The following PTPRN2 variants were observed in gnomAD, a reference collection of about 807,000 sequenced individuals.
The protein encoded by PTPRN2 is protein tyrosine phosphatase receptor type N2, also known as receptor-type tyrosine-protein phosphatase N2.
A neutral mutation model predicts 118.8 loss-of-function variants in PTPRN2; 74 were observed. That is an observed-to-expected ratio of 0.62 (90% CI 0.52 to 0.76). The LOEUF (loss-of-function observed/expected upper bound fraction) is 0.76. PTPRN2 is among the 30% of genes least tolerant of loss of function. The pLI, the probability that PTPRN2 is intolerant of heterozygous loss-of-function variation, is 0.00. For synonymous variants in PTPRN2, 641 were observed against 608.0 expected (o/e 1.05, Z -0.80); for missense variants, 1,481 against 1,394.4 (o/e 1.06, Z -0.99).
chr7:158,049,280 G>A (rs1181544789), intron 11 of PTPRN2, among the ~76,000 whole-genome samples: 2 of 151,782 alleles, frequency 1.3e-5, no homozygotes, highest in African/African-American at 4.8e-5. Context: ...CTTTCAGTTG[G>A]GCATCTCCCA....
At chr7:157,920,354 T>C (rs1798629350) in intron 11 of PTPRN2, among the ~76,000 whole-genome samples, 1 of 152,160 alleles carries the variant, frequency 6.6e-6, no homozygotes, top group Admixed American at 6.5e-5. Flanking sequence ...GAATAAAAGA[T>C]TCTCAAGTCA....
At chr7:158,264,294 G>C (rs1330443441) in intron 3 of PTPRN2, among the ~76,000 whole-genome samples, 1 of 152,190 alleles carries the variant, frequency 6.6e-6, no homozygotes, top group Non-Finnish European at 1.5e-5. Context: ...GAACTGCACT[G>C]AGACGCTGGC....
Position 157,977,985 on chromosome 7 carries a change from G to C in PTPRN2, c.1724-79248C>G, listed in dbSNP as rs1050900996. On this transcript the variant is annotated intron_variant, in intron 11 of 22. Coordinates refer to ENST00000389418, the MANE Select transcript of PTPRN2 (RefSeq NM_002847.5). This position sits in a 1 kb window ranked among gnomAD's most constrained non-coding sequence, Gnocchi z 4.6. ...ACCTTTGGTAACTAGGCCCACAACA[G>C]ATCCTGAACTCCCTGTACGTCGCAT... Among the ~76,000 whole-genome samples, 2 of 151,954 alleles carry C rather than the reference G, an allele frequency of 1.3e-5. No homozygotes were observed. Among genetic ancestry groups the C allele is most frequent in the Non-Finnish European group, 2.9e-5 (2 of 67,948 alleles).
At chr7:158,136,423 T>G (rs1456224506) in intron 8 of PTPRN2, among the ~76,000 whole-genome samples, 1 of 152,208 alleles carries the variant, frequency 6.6e-6, no homozygotes, top group African/African-American at 2.4e-5. Context: ...ACTTTCATAT[T>G]TCTACCATGG....
intron 16 of PTPRN2, among the ~76,000 whole-genome samples, chr7:157,595,578 G>A (rs1343213276): frequency 8.8e-6 from 1 of 114,016 alleles, no homozygotes; most frequent in Non-Finnish European, 1.8e-5. Context: ...GAAGCCAGGA[G>A]GTTAGGAAGC....
chr7:157,614,404 G>A (rs1458014277), intron 15 of PTPRN2, among the ~76,000 whole-genome samples: 1 of 152,142 alleles, frequency 6.6e-6, no homozygotes, highest in Non-Finnish European at 1.5e-5. Context: ...GTCACTAAAA[G>A]AACAGCTTTA....
At chr7:158,171,119 C>CAT (rs201455022) in intron 5 of PTPRN2, among the ~76,000 whole-genome samples, 100,837 of 120,226 alleles carry the variant, frequency 0.84, 42,393 homozygotes, top group African/African-American at 0.89. Flanking sequence ...TATATACACA[C>CAT]ATATATACAC....
chr7:158,530,805 T>G (rs1272030024), intron 1 of PTPRN2, among the ~76,000 whole-genome samples: 4 of 152,186 alleles, frequency 2.6e-5, no homozygotes, highest in African/African-American at 9.7e-5. Context: ...CACTCCTTCC[T>G]GCTCCTGAGG....
chr7:157,762,918 T>G (rs996166117), intron 12 of PTPRN2, among the ~76,000 whole-genome samples: 2 of 152,154 alleles, frequency 1.3e-5, no homozygotes, highest in African/African-American at 4.8e-5. Flanking sequence ...CTGAAAAGCA[T>G]GTTAGGCCCA....
chr7:158,361,673 CCTTGGGGGCACTCCCGGACCCT>C (rs1808983956), intron 2 of PTPRN2, among the ~76,000 whole-genome samples: 1 of 152,196 alleles, frequency 6.6e-6, no homozygotes, highest in African/African-American at 2.4e-5. Flanking sequence ...CCACCATGGA[CCTTGGGGGCACTCCCGGACCCT>C]CCTGGGGGAT....
At chr7:157,570,935 G>A (rs969589925) in intron 20 of PTPRN2, among the ~76,000 whole-genome samples, 21 of 152,182 alleles carry the variant, frequency 1.4e-4, no homozygotes, top group African/African-American at 4.3e-4. Context: ...ACACTGCACC[G>A]TGGGCTGCTA....
At chr7:158,492,246 TC>T (rs778789837) in intron 1 of PTPRN2, among the ~76,000 whole-genome samples, 78 of 152,338 alleles carry the variant, frequency 5.1e-4, no homozygotes, top group Non-Finnish European at 9.6e-4. Flanking sequence ...GCTGCAGGAC[TC>T]TGCTCAGGAT....
intron 14 of PTPRN2, among the ~76,000 whole-genome samples, chr7:157,637,239 C>G (rs1804374952): frequency 6.6e-6 from 1 of 152,162 alleles, no homozygotes; most frequent in South Asian, 2.1e-4. Context: ...GGATTCCAAA[C>G]AGATCATAGG....
At chr7:157,938,433 C>T (rs1479780112) in intron 11 of PTPRN2, among the ~76,000 whole-genome samples, 1 of 152,156 alleles carries the variant, frequency 6.6e-6, no homozygotes, top group Non-Finnish European at 1.5e-5. Context: ...AGGAGAGGGC[C>T]GGATGTGAGG....
intron 2 of PTPRN2, among the ~76,000 whole-genome samples, chr7:158,390,538 C>G (rs1313660211): frequency 2.0e-5 from 3 of 152,184 alleles, no homozygotes; most frequent in African/African-American, 7.2e-5. Flanking sequence ...GTAGGACCAT[C>G]GTGCTGGAGG....
chr7:157,757,415 A>C (rs1801853166), intron 12 of PTPRN2, among the ~76,000 whole-genome samples: 1 of 152,106 alleles, frequency 6.6e-6, no homozygotes, highest in Non-Finnish European at 1.5e-5. Flanking sequence ...CCTCCGACTG[A>C]GGCAGGAGTG....
At chr7:157,914,162 T>TA (rs1798263201) in intron 11 of PTPRN2, among the ~76,000 whole-genome samples, 1 of 152,258 alleles carries the variant, frequency 6.6e-6, no homozygotes, top group Non-Finnish European at 1.5e-5. Flanking sequence ...CTCTCTTTTT[T>TA]AAAATCACTT....
At chr7:157,774,642 C>T (rs1294954301) in intron 12 of PTPRN2, among the ~76,000 whole-genome samples, 1 of 152,172 alleles carries the variant, frequency 6.6e-6, no homozygotes, top group African/African-American at 2.4e-5. Context: ...GGGCTCAGAG[C>T]TGTAACTGCG....
At chr7:157,802,368 C>T (rs1254905255) in intron 12 of PTPRN2, among the ~76,000 whole-genome samples, 7 of 152,224 alleles carry the variant, frequency 4.6e-5, no homozygotes, top group African/African-American at 1.7e-4. Flanking sequence ...TTTCACTTCA[C>T]GTCATGTCAT....
Sources: allele counts gnomAD v4.1 joint callset (sites outside exome capture counted in the v4.1 genomes callset), GRCh38; gene constraint gnomAD v4.1.1; non-coding constraint Gnocchi (gnomAD v3.1); transcripts MANE v1.5; gene names NCBI Gene and HGNC (gene_info 2026-07-23, HGNC 2026-07-21).